The following ABTB2 variants were observed in gnomAD, a reference collection of about 807,000 sequenced individuals.
The protein encoded by ABTB2 is ankyrin repeat and BTB/POZ domain-containing protein 2.
ABTB2 carries 56 observed loss-of-function variants against 104.1 expected under a neutral mutation model. That is an observed-to-expected ratio of 0.54 (90% confidence interval 0.43 to 0.67). The LOEUF is 0.67. Among genes scored for constraint, ABTB2 ranks in the 30% least tolerant of loss-of-function variants. The probability of loss-of-function intolerance (pLI) is 0.00; values close to 1 mark genes in which losing one functional copy is unlikely to be tolerated. For missense variants in ABTB2, 1,279 were observed against 1,407.7 expected, an observed-to-expected ratio of 0.91 and a Z score of 1.46; for synonymous variants, 606 against 608.2, an observed-to-expected ratio of 1.00 and a Z score of 0.05.
At chr11:34,169,925 C>T (rs924944077) in intron 5 of ABTB2, among the ~76,000 whole-genome samples, 8 of 152,204 alleles carry the variant, frequency 5.3e-5, no homozygotes, top group South Asian at 2.1e-4. Flanking sequence ...CCTGGCCTCA[C>T]GGTCTGCCTG....
intron 1 of ABTB2, among the ~76,000 whole-genome samples, chr11:34,283,818 T>G (rs1854474371): frequency 6.6e-6 from 1 of 152,216 alleles, no homozygotes; most frequent in Non-Finnish European, 1.5e-5. Context: ...CACATTTGGT[T>G]CCTTACTCTC....
At chr11:34,238,246 T>C (rs538931219) in intron 1 of ABTB2, among the ~76,000 whole-genome samples, 4 of 152,180 alleles carry the variant, frequency 2.6e-5, no homozygotes, top group Non-Finnish European at 5.9e-5. Flanking sequence ...GGCATCTGCA[T>C]GGCTAGGTCC....
At chr11:34,161,317 C>T (rs1038306536) in intron 10 of ABTB2, among the ~76,000 whole-genome samples, 2 of 151,894 alleles carry the variant, frequency 1.3e-5, no homozygotes, top group African/African-American at 4.8e-5. Flanking sequence ...AGTGGAGTTT[C>T]AGGTTCTCAT....
At chr11:34,233,129 G>A (rs369652453) in intron 1 of ABTB2, among the ~76,000 whole-genome samples, 1 of 152,088 alleles carries the variant, frequency 6.6e-6, no homozygotes, top group African/African-American at 2.4e-5. Flanking sequence ...CATCCCAGTC[G>A]CTTCCTGCTA....
chr11:34,166,777 A>G (rs892768205), intron 7 of ABTB2, among the ~76,000 whole-genome samples: 40 of 152,186 alleles, frequency 2.6e-4, no homozygotes, highest in African/African-American at 9.2e-4. Context: ...GAGGTGGGCA[A>G]CCTGTGGCTT....
At chr11:34,194,776 G>T (rs552863759) in intron 3 of ABTB2, among the ~76,000 whole-genome samples, 279 of 146,046 alleles carry the variant, frequency 1.9e-3, no homozygotes, top group African/African-American at 5.2e-3. Flanking sequence ...TAAAAATTTG[G>T]TTTTTTTTTT....
intron 1 of ABTB2, among the ~76,000 whole-genome samples, chr11:34,310,924 C>A (rs959892803): frequency 6.6e-5 from 10 of 152,332 alleles, no homozygotes; most frequent in Admixed American, 1.3e-4. Flanking sequence ...GGAAGGGAAG[C>A]AATTTCCCCG....
At chr11:34,275,273 CT>C (rs1451146200) in intron 1 of ABTB2, among the ~76,000 whole-genome samples, 6 of 152,168 alleles carry the variant, frequency 3.9e-5, no homozygotes, top group Non-Finnish European at 8.8e-5. Flanking sequence ...GCTGGGGAGT[CT>C]GAGTTACAGG....
intron 7 of ABTB2, among the ~76,000 whole-genome samples, chr11:34,166,404 C>T (rs1852800796): frequency 1.3e-5 from 2 of 152,274 alleles, no homozygotes; most frequent in African/African-American, 4.8e-5. Context: ...AAGCTCAGGG[C>T]ACAGCCCTGC....
At chr11:34,304,131 G>T (rs755189821) in intron 1 of ABTB2, among the ~76,000 whole-genome samples, 3 of 152,100 alleles carry the variant, frequency 2.0e-5, no homozygotes, top group Non-Finnish European at 4.4e-5. Context: ...TTGTCCAGCT[G>T]GTCCATGCTG....
Position 34,197,431 on chromosome 11 carries a change from A to G in ABTB2, c.1138T>C (p.Ser380Pro). The change falls in exon 3 of 17, where the codon TCC becomes CCC. Residue 380 changes from serine (S) to proline (P), a missense_variant. Transcript: ENST00000435224. ...ARQPPQPITW[S>P]PDALHTLYYF... ...TAGAGCGTGTGGAGGGCGTCGGGGG[A>G]CCAAGTGATGGGCTGTGGCGGCTGG... 1 of 1,606,250 alleles carries G rather than the reference A, an allele frequency of 6.2e-7. No individual in the cohort carries two copies. Among genetic ancestry groups the G allele is most frequent in the Non-Finnish European group, 8.5e-7 (1 of 1,175,010 alleles).
intron 1 of ABTB2, among the ~76,000 whole-genome samples, chr11:34,344,523 C>T (rs905386603): frequency 2.6e-5 from 4 of 152,188 alleles, no homozygotes; most frequent in Non-Finnish European, 5.9e-5. Context: ...GACAGGGTCT[C>T]ACTCTGTTGC....
chr11:34,194,775 GGTT>G (rs1207473260), intron 3 of ABTB2, among the ~76,000 whole-genome samples: 8 of 68,678 alleles, frequency 1.2e-4, no homozygotes, highest in African/African-American at 4.8e-4. Flanking sequence ...TTAAAAATTT[GGTT>G]TTTTTTTTTT....
chr11:34,168,714 G>A (rs1852834397), intron 5 of ABTB2, among the ~76,000 whole-genome samples: 1 of 152,250 alleles, frequency 6.6e-6, no homozygotes, highest in Admixed American at 6.5e-5. Context: ...CGAGACGGTA[G>A]AGGAGGCATT....
chr11:34,315,011 G>A (rs538310104), intron 1 of ABTB2, among the ~76,000 whole-genome samples: 3 of 152,288 alleles, frequency 2.0e-5, no homozygotes, highest in Non-Finnish European at 2.9e-5. Flanking sequence ...CAGAAAGGCC[G>A]CTGCAGATTA....
chr11:34,153,118 G>A (rs1023097751), intron 16 of ABTB2, among the ~76,000 whole-genome samples: 1 of 152,196 alleles, frequency 6.6e-6, no homozygotes, highest in Non-Finnish European at 1.5e-5. Flanking sequence ...TGGCTTGTGA[G>A]AGGCCAGGGG....
chr11:34,223,246 C>T (rs967739000), intron 1 of ABTB2, among the ~76,000 whole-genome samples: 2 of 152,088 alleles, frequency 1.3e-5, no homozygotes, highest in African/African-American at 2.4e-5. Flanking sequence ...TTTCCTCAGC[C>T]CTCCCGACTG....
chr11:34,162,473 T>C (rs1852735346), intron 10 of ABTB2, 103 bp downstream of exon 10: 3 of 1,273,586 alleles, frequency 2.4e-6, no homozygotes, highest in Admixed American at 4.2e-5. Flanking sequence ...TGTCTGTCCC[T>C]GCAGGCCCTG....
chr11:34,284,848 T>C (rs1192908739), intron 1 of ABTB2, among the ~76,000 whole-genome samples: 1 of 152,244 alleles, frequency 6.6e-6, no homozygotes, highest in Non-Finnish European at 1.5e-5. Flanking sequence ...CCCCACCTGA[T>C]ACCGCCTGGA....
Sources: gnomAD v4.1 joint callset for allele counts (sites outside exome capture counted in the v4.1 genomes callset) on GRCh38, gnomAD v4.1.1 for gene constraint, MANE v1.5 for transcripts, NCBI Gene and HGNC (gene_info 2026-07-23, HGNC 2026-07-21) for gene names.